The following SQOR variants were observed in gnomAD, a reference collection of about 807,000 sequenced individuals.
SQOR encodes the protein sulfide quinone oxidoreductase, also known as sulfide:quinone oxidoreductase, mitochondrial.
SQOR carries 39 observed loss-of-function variants against 48.6 expected under a neutral mutation model. The observed-to-expected ratio is 0.80, with a 90% CI of 0.62 to 1.05. SQOR has a LOEUF of 1.05. SQOR is among the 50% of genes least tolerant of loss of function. The probability of loss-of-function intolerance (pLI) is 0.00; values close to 1 mark genes in which losing one functional copy is unlikely to be tolerated. For missense variants in SQOR, 561 were observed against 559.9 expected (o/e 1.00, Z -0.02); for synonymous variants, 220 against 206.2 (o/e 1.07, Z -0.57).
At chr15:45,650,300 A>G (rs1889451750) in intron 1 of SQOR, among the ~76,000 whole-genome samples, 1 of 152,134 alleles carries the variant, frequency 6.6e-6, no homozygotes, top group Admixed American at 6.5e-5. Context: ...TTCAAGAATC[A>G]CCCTGTGGAC....
intron 6 of SQOR, among the ~76,000 whole-genome samples, chr15:45,676,745 A>G (rs1343173981): frequency 6.6e-6 from 1 of 152,196 alleles, no homozygotes; most frequent in East Asian, 1.9e-4. Context: ...GGGTAGTTGA[A>G]GAAAACAGGG....
At chr15:45,654,361 G>A (rs1889556628) in intron 1 of SQOR, among the ~76,000 whole-genome samples, 1 of 152,202 alleles carries the variant, frequency 6.6e-6, no homozygotes, top group Non-Finnish European at 1.5e-5. Flanking sequence ...TGTTTGTGAA[G>A]TTGTTTCTTA....
chr15:45,638,787 C>T (rs907988347), intron 1 of SQOR, among the ~76,000 whole-genome samples: 2 of 151,822 alleles, frequency 1.3e-5, no homozygotes, highest in African/African-American at 2.4e-5. Context: ...AGGTGGAGCC[C>T]TAATCCAATA....
At chr15:45,661,290 T>TAAAAAAAAAAAAAAAAAAA (rs34286267) in intron 2 of SQOR, among the ~76,000 whole-genome samples, 1 of 67,528 alleles carries the variant, frequency 1.5e-5, no homozygotes. Flanking sequence ...GACTCTGTCT[T>TAAAAAAAAAAAAAAAAAAA]AAAAAAAAAA....
At chr15:45,649,855 G>GT (rs201578039) in intron 1 of SQOR, among the ~76,000 whole-genome samples, 1 of 151,464 alleles carries the variant, frequency 6.6e-6, no homozygotes, top group Non-Finnish European at 1.5e-5. Flanking sequence ...TGTTGTTGTT[G>GT]TTTTTGTGTG....
chr15:45,658,632 C>T (rs903409356), intron 1 of SQOR, among the ~76,000 whole-genome samples: 2 of 152,158 alleles, frequency 1.3e-5, no homozygotes, highest in African/African-American at 4.8e-5. Context: ...TTAGGAAGGA[C>T]TTAAAGAGTT....
At chr15:45,673,046 T>G (rs1335488053) in intron 4 of SQOR, among the ~76,000 whole-genome samples, 1 of 152,214 alleles carries the variant, frequency 6.6e-6, no homozygotes, top group Non-Finnish European at 1.5e-5. Context: ...AGCACCACAC[T>G]TGGAGACCTA....
At chr15:45,670,634 C>T (rs1262853164) in intron 4 of SQOR, among the ~76,000 whole-genome samples, 1 of 152,132 alleles carries the variant, frequency 6.6e-6, no homozygotes, top group African/African-American at 2.4e-5. Flanking sequence ...AGTTGGAGTA[C>T]AGGAAACATC....
At chr15:45,633,693 CAAAAAAAAA>C (rs397854330), upstream of SQOR, among the ~76,000 whole-genome samples, 4 of 77,550 alleles carry the variant, frequency 5.2e-5, no homozygotes, top group African/African-American at 1.9e-4. Flanking sequence ...GACTTCGCCT[CAAAAAAAAA>C]AAAAAAAAAA....
chr15:45,640,228 G>T (rs1015595707), intron 1 of SQOR, among the ~76,000 whole-genome samples: 1 of 152,198 alleles, frequency 6.6e-6, no homozygotes, highest in Non-Finnish European at 1.5e-5. Context: ...ATTAGAACAA[G>T]CGTCCCCATT....
chr15:45,679,296 G>A (rs1595508329), intron 6 of SQOR, among the ~76,000 whole-genome samples: 6 of 152,184 alleles, frequency 3.9e-5, no homozygotes, highest in Admixed American at 3.9e-4. Context: ...ATGTGCTGAT[G>A]CCTGGCCTCT....
chr15:45,641,605 T>G (rs1419074371), intron 1 of SQOR, among the ~76,000 whole-genome samples: 1 of 152,204 alleles, frequency 6.6e-6, no homozygotes, highest in Non-Finnish European at 1.5e-5. Flanking sequence ...TTGTTAACAG[T>G]ATAGTAATCC....
intron 1 of SQOR, among the ~76,000 whole-genome samples, chr15:45,651,263 A>G (rs1889481818): frequency 6.6e-6 from 1 of 151,912 alleles, no homozygotes; most frequent in African/African-American, 2.4e-5. Flanking sequence ...TAAGCCCCTC[A>G]CTGCCCGGGC....
chr15:45,644,637 G>T (rs1487076411), intron 1 of SQOR, among the ~76,000 whole-genome samples: 1 of 152,186 alleles, frequency 6.6e-6, no homozygotes, highest in Non-Finnish European at 1.5e-5. Flanking sequence ...CTCACATGGG[G>T]CCATATGGGA....
chr15:45,656,623 T>C (rs1889616806), intron 1 of SQOR, among the ~76,000 whole-genome samples: 1 of 151,924 alleles, frequency 6.6e-6, no homozygotes, highest in South Asian at 2.1e-4. Flanking sequence ...TAGAGACTTT[T>C]ATAAAATACA....
chr15:45,657,727 G>A (rs1365089405), intron 1 of SQOR, among the ~76,000 whole-genome samples: 1 of 152,118 alleles, frequency 6.6e-6, no homozygotes, highest in Non-Finnish European at 1.5e-5. Flanking sequence ...CCCTTGTGCA[G>A]GCTTCCTCTT....
chr15:45,684,731 A>G (rs148494711), intron 7 of SQOR, among the ~76,000 whole-genome samples: 1 of 152,250 alleles, frequency 6.6e-6, no homozygotes, highest in Non-Finnish European at 1.5e-5. Flanking sequence ...TGGTGAAACT[A>G]CCTGTGATGT....
chr15:45,683,527 G>A (rs971478854), intron 7 of SQOR, among the ~76,000 whole-genome samples: 7 of 152,188 alleles, frequency 4.6e-5, no homozygotes, highest in Non-Finnish European at 8.8e-5. Flanking sequence ...CTACTGACAG[G>A]AACTGTCTTC....
At chr15:45,673,132 T>C (rs147549865) in intron 4 of SQOR, among the ~76,000 whole-genome samples, 2 of 152,208 alleles carry the variant, frequency 1.3e-5, no homozygotes. Flanking sequence ...CAAACTGGTA[T>C]GTGGGATCCT....
Sources: gnomAD v4.1 joint callset for allele counts (sites outside exome capture counted in the v4.1 genomes callset) on GRCh38, gnomAD v4.1.1 for gene constraint, MANE v1.5 for transcripts, NCBI Gene and HGNC (gene_info 2026-07-23, HGNC 2026-07-21) for gene names.